The following PRDM5 variants were observed in gnomAD, a reference collection of about 807,000 sequenced individuals.
PRDM5 encodes PR domain zinc finger protein 5.
A neutral mutation model predicts 81.2 loss-of-function variants in PRDM5; 56 were observed. The observed-to-expected ratio is 0.69, with a 90% CI of 0.56 to 0.86. The LOEUF (loss-of-function observed/expected upper bound fraction) is 0.86. Ranked by LOEUF, PRDM5 falls within the 40% of genes least tolerant of loss-of-function variation. The probability of loss-of-function intolerance (pLI) is 0.00; values close to 1 mark genes in which losing one functional copy is unlikely to be tolerated. For missense variants in PRDM5, 697 were observed against 770.1 expected (o/e 0.91, Z 1.12); for synonymous variants, 267 against 256.4 (o/e 1.04, Z -0.39).
intron 8 of PRDM5, among the ~76,000 whole-genome samples, chr4:120,802,421 C>T (rs1752257570): frequency 6.6e-6 from 1 of 152,212 alleles, no homozygotes; most frequent in Non-Finnish European, 1.5e-5. Flanking sequence ...CAGTGGGTGC[C>T]TGACTCCCAA....
At chr4:120,897,006 T>C (rs1764706349) in intron 2 of PRDM5, 1 of 151,828 alleles carries the variant, frequency 6.6e-6, no homozygotes, top group Admixed American at 6.6e-5. Context: ...TTTTTTTTTT[T>C]TCCTCCTTTC....
chr4:120,765,989 T>C (rs2149193579), intron 13 of PRDM5, among the ~76,000 whole-genome samples: 1 of 150,822 alleles, frequency 6.6e-6, no homozygotes, highest in South Asian at 2.1e-4. Context: ...AGACAGAGTT[T>C]CACTCTATCG....
intron 10 of PRDM5, among the ~76,000 whole-genome samples, chr4:120,797,213 T>G (rs1446251009): frequency 2.6e-5 from 4 of 152,162 alleles, no homozygotes; most frequent in African/African-American, 9.7e-5. Context: ...GTATGGTTAA[T>G]GCAGATAAAA....
chr4:120,732,688 T>C lies in PRDM5; in HGVS notation c.1623+21865A>G, dbSNP rs116171477. On this transcript the variant is annotated intron_variant, in intron 14 of 15. Coordinates refer to ENST00000264808, the MANE Select transcript of PRDM5 (RefSeq NM_018699.4). ...AAACTAAAAAATGGTATAATACTCC[T>C]GCTCTCTAACCTAACCTGTTATTCA... Among the ~76,000 whole-genome samples, 1,442 of 152,328 alleles carry C rather than the reference T, an allele frequency of 9.5e-3. 26 individuals are homozygous for C. Among genetic ancestry groups the C allele is most frequent in the African/African-American group, 0.032 (1,344 of 41,572 alleles).
chr4:120,726,831 C>A (rs1045197616), intron 14 of PRDM5, among the ~76,000 whole-genome samples: 4 of 152,078 alleles, frequency 2.6e-5, no homozygotes, highest in African/African-American at 9.7e-5. Flanking sequence ...CCTAGTATTG[C>A]AAGAAAAGGA....
rs529089013 is a variant in PRDM5 at position 120,744,232 on chromosome 4, T to C, written c.1623+10321A>G. Among the ~76,000 whole-genome samples the C allele has an allele frequency of 1.3e-3, 192 of 151,856 alleles. No homozygotes were observed. In the Middle Eastern group the frequency reaches 0.017, roughly 13 times the overall value. On this transcript the variant is annotated intron_variant, in intron 14 of 15. Transcript: ENST00000264808. ...AAATAAAGATGTTCTTTGAAACCAA[T>C]GAGAACAAAGACACAACTTACCAGA...
At chr4:120,793,017 G>A (rs951291066) in intron 10 of PRDM5, among the ~76,000 whole-genome samples, 6 of 152,092 alleles carry the variant, frequency 3.9e-5, no homozygotes, top group African/African-American at 7.2e-5. Flanking sequence ...ACAGCAGGGG[G>A]TCCCCAACCC....
intron 2 of PRDM5, among the ~76,000 whole-genome samples, chr4:120,861,316 G>C (rs1760543738): frequency 6.6e-6 from 1 of 152,120 alleles, no homozygotes; most frequent in Non-Finnish European, 1.5e-5. Flanking sequence ...CCTGTAGTCA[G>C]CTTTTGGAGA....
intron 2 of PRDM5, among the ~76,000 whole-genome samples, chr4:120,872,234 A>T (rs1224725278): frequency 6.6e-6 from 1 of 151,730 alleles, no homozygotes; most frequent in African/African-American, 2.4e-5. Context: ...AATAATTCAA[A>T]GTGGGATCTC....
At chr4:120,824,344 C>T (rs1755680022) in intron 3 of PRDM5, among the ~76,000 whole-genome samples, 1 of 152,170 alleles carries the variant, frequency 6.6e-6, no homozygotes, top group South Asian at 2.1e-4. Context: ...AGGTTATTCC[C>T]TTGAGCACAG....
At chr4:120,843,769 G>C (rs910254642) in intron 3 of PRDM5, among the ~76,000 whole-genome samples, 15 of 151,560 alleles carry the variant, frequency 9.9e-5, no homozygotes, top group Admixed American at 9.9e-4. Context: ...AAGCTGAAAA[G>C]TGGTTTGGCA....
At chr4:120,812,658 T>C (rs545651808) in intron 7 of PRDM5, 2 of 180,340 alleles carry the variant, frequency 1.1e-5, no homozygotes, top group Non-Finnish European at 2.3e-5. Flanking sequence ...GCACTTTATA[T>C]ATTCTGGTTA....
At chr4:120,868,635 A>T (rs1247154122) in intron 2 of PRDM5, among the ~76,000 whole-genome samples, 1 of 152,186 alleles carries the variant, frequency 6.6e-6, no homozygotes, top group Admixed American at 6.5e-5. Context: ...GTGCAATGCC[A>T]CAGAATTAAA....
chr4:120,687,005 A>G (rs1467490201), downstream of PRDM5, among the ~76,000 whole-genome samples: 1 of 152,092 alleles, frequency 6.6e-6, no homozygotes, highest in Non-Finnish European at 1.5e-5. Context: ...TCAGGAGATG[A>G]AGGTTAAATC....
At chr4:120,779,967 A>G (rs1748804471) in intron 12 of PRDM5, among the ~76,000 whole-genome samples, 2 of 151,938 alleles carry the variant, frequency 1.3e-5, no homozygotes, top group Admixed American at 1.3e-4. Context: ...GTATATAACT[A>G]TATCTACTAT....
chr4:120,713,026 T>G (rs1227992958), intron 14 of PRDM5, among the ~76,000 whole-genome samples: 1 of 152,232 alleles, frequency 6.6e-6, no homozygotes, highest in East Asian at 1.9e-4. Flanking sequence ...TCTGCAAAGT[T>G]AATAAACCAA....
intron 5 of PRDM5, chr4:120,818,118 C>T (rs1754778847): frequency 6.3e-6 from 3 of 477,442 alleles, no homozygotes; most frequent in South Asian, 5.3e-5. Context: ...TTACCATAAA[C>T]AGTGTTTATG....
chr4:120,793,911 C>T (rs572783684), intron 10 of PRDM5, among the ~76,000 whole-genome samples: 18 of 151,980 alleles, frequency 1.2e-4, no homozygotes, highest in South Asian at 4.1e-4. Flanking sequence ...TAAACATACA[C>T]AAATTTCACT....
rs188469904 is a variant in PRDM5 at position 120,733,580 on chromosome 4, T to A, written c.1623+20973A>T. Among the ~76,000 whole-genome samples the A allele has an allele frequency of 2.0e-4, 31 of 152,322 alleles. No individual in the cohort carries two copies. The East Asian group carries it at 5.6e-3, about 27-fold the overall frequency. On this transcript the variant is annotated intron_variant, in intron 14 of 15. Transcript: ENST00000264808. Reference sequence around the variant, plus strand: ...TGCTTTGTTTTCCATGTTCCAATGTTGCCATCACACATGGTTCTCTTTCAC... The same window carrying A: ...TGCTTTGTTTTCCATGTTCCAATGTAGCCATCACACATGGTTCTCTTTCAC...
Sources: allele counts gnomAD v4.1 joint callset (sites outside exome capture counted in the v4.1 genomes callset), GRCh38; gene constraint gnomAD v4.1.1; transcripts MANE v1.5; gene names NCBI Gene and HGNC (gene_info 2026-07-23, HGNC 2026-07-21).